PCDHA1: variants seen among roughly 807,000 people sequenced by gnomAD.
PCDHA1 encodes protocadherin alpha 1.
A neutral mutation model predicts 61.3 loss-of-function variants in PCDHA1; 42 were observed. The ratio of observed to expected loss-of-function variants is 0.69; its 90% CI spans 0.54 to 0.89. The LOEUF is 0.89. Among genes scored for constraint, PCDHA1 ranks in the 40% least tolerant of loss-of-function variants. The probability of loss-of-function intolerance (pLI) is 0.00; values close to 1 mark genes in which losing one functional copy is unlikely to be tolerated. For synonymous variants in PCDHA1, 610 were observed against 553.8 expected (o/e 1.10, Z -1.43); for missense variants, 1,256 against 1,235.3 (o/e 1.02, Z -0.25).
intron 1 of PCDHA1, among the ~76,000 whole-genome samples, chr5:140,844,545 C>G (rs979935361): frequency 6.7e-6 from 1 of 149,334 alleles, no homozygotes; most frequent in South Asian, 2.1e-4. Context: ...ACCCTTTGTT[C>G]ATGAGTTGGA....
At chr5:140,797,203 A>T in intron 1 of PCDHA1, 1 of 1,614,060 alleles carries the variant, frequency 6.2e-7, no homozygotes, top group Non-Finnish European at 8.5e-7. Flanking sequence ...CGCCGTGGGG[A>T]GCTGGTCTTA....
intron 1 of PCDHA1, among the ~76,000 whole-genome samples, chr5:140,831,996 A>G (rs1771793071): frequency 6.6e-6 from 1 of 152,198 alleles, no homozygotes; most frequent in Non-Finnish European, 1.5e-5. Context: ...CGGATTCCAT[A>G]TTGTTTTCAT....
chr5:140,835,221 T>G (rs2150232030), intron 1 of PCDHA1: 2 of 1,587,286 alleles, frequency 1.3e-6, no homozygotes, highest in Admixed American at 1.8e-5. Context: ...TATTATTTAC[T>G]CCTTCTCCAG....
intron 1 of PCDHA1, among the ~76,000 whole-genome samples, chr5:140,908,928 A>G (rs1426452860): frequency 6.6e-6 from 1 of 152,224 alleles, no homozygotes; most frequent in Non-Finnish European, 1.5e-5. Flanking sequence ...GGCCAAATGC[A>G]GCAACTTATC....
chr5:140,884,116 C>T (rs1554181240), intron 1 of PCDHA1: 2 of 1,613,304 alleles, frequency 1.2e-6, no homozygotes, highest in South Asian at 2.2e-5. Context: ...TGGCGGCGGT[C>T]GGCGCGCGCA....
intron 1 of PCDHA1, among the ~76,000 whole-genome samples, chr5:140,921,417 A>C (rs1292321863): frequency 6.6e-6 from 1 of 152,210 alleles, no homozygotes; most frequent in Non-Finnish European, 1.5e-5. Flanking sequence ...TCTGTGCTGC[A>C]GACAAAAATT....
At chr5:140,927,366 A>C in intron 1 of PCDHA1, 1 of 1,614,088 alleles carries the variant, frequency 6.2e-7, no homozygotes, top group Non-Finnish European at 8.5e-7. Context: ...GCAATGGGAT[A>C]CTAAGCTACA....
intron 1 of PCDHA1, chr5:140,858,095 G>C: frequency 1.3e-6 from 2 of 1,597,916 alleles, no homozygotes; most frequent in Non-Finnish European, 1.7e-6. Context: ...GCGGGCTTCA[G>C]TGGGCGTGGC....
intron 1 of PCDHA1, among the ~76,000 whole-genome samples, chr5:140,912,358 T>G (rs2075885370): frequency 1.4e-5 from 2 of 146,130 alleles, no homozygotes; most frequent in African/African-American, 2.6e-5. Flanking sequence ...TTTTTTTTTT[T>G]GCAGCTGTTG....
At chr5:140,974,905 A>G (rs1276795577) in intron 1 of PCDHA1, among the ~76,000 whole-genome samples, 2 of 152,208 alleles carry the variant, frequency 1.3e-5, no homozygotes, top group African/African-American at 4.8e-5. Context: ...TTTGTAACAA[A>G]TTACCACAAG....
chr5:140,842,222 G>A (rs1777807654), intron 1 of PCDHA1: 1 of 1,613,082 alleles, frequency 6.2e-7, no homozygotes, highest in Non-Finnish European at 8.5e-7. Context: ...AAATACGGGA[G>A]AAATAGTGAT....
chr5:140,889,080 A>G (rs2062092798), intron 1 of PCDHA1, among the ~76,000 whole-genome samples: 1 of 151,888 alleles, frequency 6.6e-6, no homozygotes, highest in Non-Finnish European at 1.5e-5. Flanking sequence ...ATTTTGTTAA[A>G]TTTTCAAAAC....
chr5:140,801,912 G>T (rs782723863), intron 1 of PCDHA1: 36 of 1,614,166 alleles, frequency 2.2e-5, no homozygotes, highest in Non-Finnish European at 2.9e-5. Flanking sequence ...AAACGACAAC[G>T]CCCCAGCGTT....
intron 1 of PCDHA1, chr5:140,848,706 C>A (rs2150418265): frequency 6.3e-7 from 1 of 1,592,212 alleles, no homozygotes; most frequent in African/African-American, 1.3e-5. Context: ...TTCCAAAGGC[C>A]GCGGGGACCT....
At chr5:140,902,615 G>A in intron 1 of PCDHA1, among the ~76,000 whole-genome samples, 1 of 152,010 alleles carries the variant, frequency 6.6e-6, no homozygotes, top group East Asian at 1.9e-4. Context: ...AGTTACATGG[G>A]TAAGTTATTT....
intron 1 of PCDHA1, among the ~76,000 whole-genome samples, chr5:140,975,853 C>T (rs1419464318): frequency 6.6e-6 from 1 of 152,126 alleles, no homozygotes; most frequent in African/African-American, 2.4e-5. Context: ...AATACTACAT[C>T]ACCCATATGG....
At position 140,808,624 on chromosome 5, in the gene PCDHA1, G is replaced by C. The variant is rs539723301; in HGVS notation, c.2394+19940G>C. 1.2e-5 allele frequency: 20 copies of C among 1,613,680 alleles called. No homozygotes were observed. In the East Asian group the frequency reaches 2.0e-4, roughly 16 times the overall value. On this transcript the variant is annotated intron_variant, in intron 1 of 3. Coordinates refer to ENST00000504120, the MANE Select transcript of PCDHA1 (RefSeq NM_018900.4). ...GCTGCCACATCTTCACTGTGTCTGCGTGGGACGCGGACGCGCAGGAGAACG... is the reference window on the plus strand; with the variant it reads ...GCTGCCACATCTTCACTGTGTCTGCCTGGGACGCGGACGCGCAGGAGAACG...
intron 1 of PCDHA1, among the ~76,000 whole-genome samples, chr5:140,951,465 C>G (rs1304466995): frequency 1.3e-5 from 2 of 151,966 alleles, no homozygotes; most frequent in Non-Finnish European, 2.9e-5. Context: ...TGCTTGGCTT[C>G]TGGGGAGCCT....
intron 1 of PCDHA1, chr5:140,869,019 A>G: frequency 1.3e-6 from 2 of 1,525,464 alleles, no homozygotes; most frequent in Non-Finnish European, 8.8e-7. Flanking sequence ...CTTCTTAAGA[A>G]TTCAACGAGA....
Sources: gnomAD v4.1 joint callset for allele counts (sites outside exome capture counted in the v4.1 genomes callset) on GRCh38, gnomAD v4.1.1 for gene constraint, MANE v1.5 for transcripts, NCBI Gene and HGNC (gene_info 2026-07-23, HGNC 2026-07-21) for gene names.